OSBPL7: variants seen among roughly 807,000 people sequenced by gnomAD.
OSBPL7 encodes the protein oxysterol binding protein like 7.
A neutral mutation model predicts 115.8 loss-of-function variants in OSBPL7; 66 were observed. That is an observed-to-expected ratio of 0.57 (90% CI 0.47 to 0.70). The LOEUF (loss-of-function observed/expected upper bound fraction) is 0.70, where lower values mean the gene tolerates loss of function less well. OSBPL7 is among the 30% of genes least tolerant of loss of function. OSBPL7 has a pLI of 0.00. For synonymous variants in OSBPL7, 441 were observed against 439.2 expected (o/e 1.00, Z -0.05); for missense variants, 902 against 1,125.5 (o/e 0.80, Z 2.84).
chr17:47,811,287 T>G (rs1488665326), intron 16 of OSBPL7, among the ~76,000 whole-genome samples: 3 of 147,708 alleles, frequency 2.0e-5, no homozygotes, highest in East Asian at 4.0e-4. Context: ...TTGGAATGGC[T>G]CCACATCTGG....
intron 18 of OSBPL7, among the ~76,000 whole-genome samples, chr17:47,809,911 C>CTTTTTTTTTT (rs1159738939): frequency 2.1e-5 from 1 of 46,700 alleles, no homozygotes; most frequent in Non-Finnish European, 5.3e-5. Context: ...CTTTTCTTTT[C>CTTTTTTTTTT]TTTTTTTTTT....
rs368690330 is a variant in OSBPL7 at position 47,816,149 on chromosome 17, G to A, written c.1077C>T (p.Ser359=). 120 of 1,551,160 alleles carry A rather than the reference G, an allele frequency of 7.7e-5. No homozygotes were observed. The highest frequency in any genetic ancestry group is 2.2e-4 in the African/African-American group (16 of 73,138). The part of the protein sequence containing the change: ...QRRLHSLSTS[S]DTTADSFSSL... The stretch of plus-strand genomic sequence containing the variant: ...AGCTGAAAGAGTCCGCCGTGGTGTC[G>A]GAGGAGGTGGACAGTGAGTGGAGGC... The change falls in exon 12 of 23, where the codon TCC becomes TCT. Residue 359 remains serine, a synonymous_variant. Coordinates refer to ENST00000007414, the MANE Select transcript of OSBPL7 (RefSeq NM_145798.3). This position sits in a 1 kb window ranked among gnomAD's most constrained non-coding sequence, Gnocchi z 5.8.
At chr17:47,810,252 A>G (rs1015954663) in intron 18 of OSBPL7, among the ~76,000 whole-genome samples, 1 of 152,134 alleles carries the variant, frequency 6.6e-6, no homozygotes, top group Admixed American at 6.5e-5. Flanking sequence ...CCTGAGATCA[A>G]TTTAGGTTTC....
chr17:47,818,175 G>C, intron 7 of OSBPL7, 94 bp downstream of exon 7: 1 of 1,090,362 alleles, frequency 9.2e-7, no homozygotes, highest in South Asian at 1.5e-5. Context: ...TTAAACTGGG[G>C]CTCCCTGAGG....
intron 18 of OSBPL7, 97 bp downstream of exon 18, chr17:47,810,496 TC>T: frequency 9.3e-7 from 1 of 1,072,700 alleles, no homozygotes; most frequent in Non-Finnish European, 1.4e-6. Flanking sequence ...GGCCAGACCT[TC>T]CTATCCCGTC....
chr17:47,808,183 G>T lies in OSBPL7; in HGVS notation c.*108C>A. ...GAGGGAGGGCCAGGGCTGCCCCTTT[G>T]GTCTCAAGGGCAGTGAGGCGGGGAG... On this transcript the variant is annotated 3_prime_UTR_variant, in exon 23 of 23. Coordinates refer to ENST00000007414, the MANE Select transcript of OSBPL7 (RefSeq NM_145798.3). The surrounding 1 kb of genome is among the most constrained non-coding windows in gnomAD (Gnocchi z 6.1). 1 of 820,184 alleles carries T rather than the reference G, an allele frequency of 1.2e-6. No individual in the cohort carries two copies. Among genetic ancestry groups the T allele is most frequent in the Non-Finnish European group, 2.0e-6 (1 of 510,836 alleles). 50.8% of individuals were successfully genotyped at this position (820,184 alleles called of 1,614,324 possible).
chr17:47,813,314 G>C lies in OSBPL7; in HGVS notation c.1689C>G (p.Thr563=), dbSNP rs771400467. The part of the protein sequence containing the change: ...CKPFNPVLGE[T]YECERPDRGF... ...CTCGGTCAGGCCGCTCACACTCGTA[G>C]GTCTCCCCCAGGACAGGGTTGAAGG... The change falls in exon 16 of 23, where the codon ACC becomes ACG. Residue 563 remains threonine, a synonymous_variant. Transcript: ENST00000007414. The C allele has an allele frequency of 6.2e-7, 1 of 1,614,128 alleles. No individual in the cohort carries two copies. Among genetic ancestry groups the C allele is most frequent in the South Asian group, 1.1e-5 (1 of 91,084 alleles).
intron 3 of OSBPL7, 54 bp downstream of exon 3, chr17:47,819,917 C>T (rs1025735949): frequency 6.6e-7 from 1 of 1,517,846 alleles, no homozygotes; most frequent in Non-Finnish European, 9.1e-7. Flanking sequence ...CAGCTGCCCC[C>T]CATTCCCACC....
Position 47,818,313 on chromosome 17 carries a change from G to T in OSBPL7, c.554C>A (p.Ser185Tyr). Residue 185 changes from serine to tyrosine, a missense_variant, in exon 7 of 23, where the codon TCT becomes TAT. Coordinates refer to ENST00000007414, the MANE Select transcript of OSBPL7 (RefSeq NM_145798.3). ...LPGLGPREKV[S>Y]SWLRDSDGLD... Reference sequence around the variant, plus strand: ...CCCATCACTGTCCCTCAGCCAGGAAGACACTTTCTCCCGCGGTCCAAGCCC... The same window carrying T: ...CCCATCACTGTCCCTCAGCCAGGAATACACTTTCTCCCGCGGTCCAAGCCC... 6.2e-7 allele frequency: 1 copy of T among 1,614,102 alleles called. No homozygotes were observed. The highest frequency in any genetic ancestry group is 1.3e-5 in the African/African-American group (1 of 75,072).
At position 47,807,543 on chromosome 17, in the gene OSBPL7, C is replaced by T. The variant is rs2032896089; in HGVS notation, c.*748G>A. ...GCACAGGCGCACACGCATACACTCT[C>T]CTACATGAACTTACACTCACACCTG... is the stretch of plus-strand genomic sequence containing the variant. On this transcript the variant is annotated 3_prime_UTR_variant, in exon 23 of 23. Transcript: ENST00000007414. 6.5e-6 allele frequency: 1 copy of T among 152,770 alleles called. No individual in the cohort carries two copies. Among genetic ancestry groups the T allele is most frequent in the Admixed American group, 6.5e-5 (1 of 15,300 alleles). 9.5% of individuals were successfully genotyped at this position (152,770 alleles called of 1,614,324 possible). A position where few individuals can be genotyped will look rare whatever the true frequency, so the allele number is the denominator to read the frequency against.
At chr17:47,817,046 G>A (rs554427240) in intron 8 of OSBPL7, 174 bp from the exon 9 acceptor site, 17 of 725,200 alleles carry the variant, frequency 2.3e-5, no homozygotes, top group Non-Finnish European at 3.5e-5. Flanking sequence ...CATCCCAGTG[G>A]AAGATGACAG....
chr17:47,815,772 C>T (rs1320863226), intron 12 of OSBPL7: 6 of 320,718 alleles, frequency 1.9e-5, no homozygotes, highest in Non-Finnish European at 3.4e-5. Context: ...GTAGCCCCAG[C>T]GTCTGTGCTC....
At position 47,820,254 on chromosome 17, in the gene OSBPL7, G is replaced by A; in HGVS notation, c.25C>T (p.Pro9Ser). The A allele has an allele frequency of 6.2e-7, 1 of 1,613,986 alleles. No homozygotes were observed. Among genetic ancestry groups the A allele is most frequent in the Non-Finnish European group, 8.5e-7 (1 of 1,179,958 alleles). The change falls in exon 2 of 23, where the codon CCC becomes TCC. Residue 9 changes from proline to serine, a missense_variant. Pro to Ser is a moderately conservative substitution (Grantham distance 74, BLOSUM62 -1). This residue lies in a region of OSBPL7 where 667 missense variants were observed against 788.7 expected (regional missense o/e 0.85). Transcript: ENST00000007414. MDFQERDP[P>S]FLPESAQSSK... ...GACTGAGCGCTCTCAGGCAGGAAGGGCGGGTCCCTCTCTTGGAAGTCCATG... is the reference window on the plus strand; with the variant it reads ...GACTGAGCGCTCTCAGGCAGGAAGGACGGGTCCCTCTCTTGGAAGTCCATG...
Position 47,808,547 on chromosome 17 carries a change from C to T in OSBPL7, c.2411G>A (p.Arg804His), listed in dbSNP as rs767053687. Residue 804 changes from arginine (R) to histidine (H), a missense_variant, in exon 22 of 23, where the codon CGC becomes CAC. Transcript: ENST00000007414. The surrounding 1 kb of genome is among the most constrained non-coding windows in gnomAD (Gnocchi z 6.1). ...GGCGAGGCCGAGGCACCTGAAGAAGCGAGCCTGGTGTACGATGTTGTTTTC... is the reference window on the plus strand; with the variant it reads ...GGCGAGGCCGAGGCACCTGAAGAAGTGAGCCTGGTGTACGATGTTGTTTTC... Reference protein sequence around the residue: ...MEENNIVHQARFFRRQTDSSG... With the variant: ...MEENNIVHQAHFFRRQTDSSG... 17 of 1,614,082 alleles carry T rather than the reference C, an allele frequency of 1.1e-5. No individual in the cohort carries two copies. The highest frequency in any genetic ancestry group is 1.3e-5 in the African/African-American group (1 of 74,944).
chr17:47,809,915 T>TC (rs1567938757), intron 18 of OSBPL7, among the ~76,000 whole-genome samples: 2 of 149,722 alleles, frequency 1.3e-5, no homozygotes, highest in African/African-American at 4.9e-5. Context: ...TCTTTTCTTT[T>TC]TTTTTTTTTT....
rs761063588 is a variant in OSBPL7, at chr17:47,808,391, G to A, written c.2429C>T (p.Thr810Met). Residue 810 changes from threonine to methionine, a missense_variant, in exon 23 of 23, where the codon ACG (threonine) becomes ATG (methionine). By Grantham distance (81) the Thr-to-Met change is moderately conservative. Transcript: ENST00000007414. The surrounding 1 kb of genome is among the most constrained non-coding windows in gnomAD (Gnocchi z 6.1). ...VHQARFFRRQ[T>M]DSSGKEWWVT... ...CCACCACTCTTTCCCGCTGCTATCCGTCTGCCGCCTGGTGGGAGAAGGCGG... is the reference window on the plus strand; with the variant it reads ...CCACCACTCTTTCCCGCTGCTATCCATCTGCCGCCTGGTGGGAGAAGGCGG... The A allele has an allele frequency of 8.7e-6, 14 of 1,614,018 alleles. No homozygotes were observed. The highest frequency in any genetic ancestry group is 1.3e-5 in the African/African-American group (1 of 74,906).
chr17:47,810,530 G>A (rs554402511), intron 18 of OSBPL7, 64 bp downstream of exon 18: 13 of 1,447,538 alleles, frequency 9.0e-6, no homozygotes, highest in African/African-American at 4.2e-5. Context: ...CTAAGGCCAC[G>A]CCCCCTCCAG....
intron 16 of OSBPL7, among the ~76,000 whole-genome samples, chr17:47,812,463 C>T (rs2143531483): frequency 2.6e-5 from 4 of 152,280 alleles, no homozygotes; most frequent in African/African-American, 9.6e-5. Context: ...TGGCCATCTC[C>T]TGTGGAAGTC....
At chr17:47,812,169 C>G (rs533612452) in intron 16 of OSBPL7, among the ~76,000 whole-genome samples, 1 of 152,132 alleles carries the variant, frequency 6.6e-6, no homozygotes, top group Non-Finnish European at 1.5e-5. Flanking sequence ...TTCATAAAAC[C>G]TACACTCTAC....
Sources: gnomAD v4.1 joint callset for allele counts (sites outside exome capture counted in the v4.1 genomes callset) on GRCh38, gnomAD v4.1.1 for gene constraint, gnomAD v4.1.1 regional missense constraint, Gnocchi (gnomAD v3.1) non-coding constraint, MANE v1.5 for transcripts, NCBI Gene and HGNC (gene_info 2026-07-23, HGNC 2026-07-21) for gene names.